Variants in MAGI1 observed in about 807,000 individuals in gnomAD.
The protein encoded by MAGI1 is membrane-associated guanylate kinase, WW and PDZ domain-containing protein 1.
Under a neutral mutation model 139.9 loss-of-function variants are expected in MAGI1, and 58 were observed. That is an observed-to-expected ratio of 0.41 (90% CI 0.34 to 0.52). The LOEUF (loss-of-function observed/expected upper bound fraction) is 0.52, where lower values mean the gene tolerates loss of function less well. Ranked by LOEUF, MAGI1 falls within the 20% of genes least tolerant of loss-of-function variation. MAGI1 has a pLI of 0.12. For synonymous variants in MAGI1, 812 were observed against 737.9 expected (o/e 1.10, Z -1.63); for missense variants, 1,874 against 1,901.6 (o/e 0.99, Z 0.27).
chr3:65,546,623 TTAAC>T (rs1357888892), intron 2 of MAGI1, among the ~76,000 whole-genome samples: 6 of 152,242 alleles, frequency 3.9e-5, no homozygotes, highest in Admixed American at 1.3e-4. Flanking sequence ...CTAGAATTGT[TTAAC>T]TAAGTTAAGA....
chr3:65,460,150 T>G (rs562851375), intron 5 of MAGI1, among the ~76,000 whole-genome samples: 2 of 152,220 alleles, frequency 1.3e-5, no homozygotes, highest in Non-Finnish European at 2.9e-5. Context: ...TCGATTCATA[T>G]GAGCATTGAT....
intron 2 of MAGI1, among the ~76,000 whole-genome samples, chr3:65,531,216 A>T (rs1157590833): frequency 1.3e-5 from 2 of 152,078 alleles, no homozygotes; most frequent in African/African-American, 4.8e-5. Context: ...CTACAGCTTT[A>T]TATCAATATA....
rs370772572 is a variant in MAGI1, at chr3:65,387,163, G to A, written c.2417-3540C>T. 10 of 1,613,796 alleles carry A rather than the reference G, an allele frequency of 6.2e-6. No individual in the cohort carries two copies. The African/African-American group carries it at 8.0e-5, about 13-fold the overall frequency. ...CTTACTCGGACATTCTCCAAAATTC[G>A]TGGAATTGATTTCTCTCTCTCTCTC... On this transcript the variant is annotated intron_variant, in intron 14 of 22. Transcript: ENST00000402939.
At chr3:65,798,465 A>T (rs531818936) in intron 1 of MAGI1, among the ~76,000 whole-genome samples, 2 of 152,164 alleles carry the variant, frequency 1.3e-5, no homozygotes, top group African/African-American at 2.4e-5. Context: ...GACACTCTGA[A>T]GTTCCAAAGG....
chr3:65,849,827 T>C (rs1400265386), intron 1 of MAGI1, among the ~76,000 whole-genome samples: 1 of 152,202 alleles, frequency 6.6e-6, no homozygotes, highest in Non-Finnish European at 1.5e-5. Flanking sequence ...CCTTCCTTTT[T>C]CCAGGTTCCA....
chr3:65,951,355 G>T (rs1287196978), intron 1 of MAGI1, among the ~76,000 whole-genome samples: 1 of 152,126 alleles, frequency 6.6e-6, no homozygotes, highest in African/African-American at 2.4e-5. Flanking sequence ...TGCTGTTAGT[G>T]GAAAACATTT....
intron 1 of MAGI1, among the ~76,000 whole-genome samples, chr3:65,626,415 T>G (rs1293466483): frequency 6.6e-6 from 1 of 152,052 alleles, no homozygotes; most frequent in Non-Finnish European, 1.5e-5. Flanking sequence ...GCCTTGACCT[T>G]TTAGGCTCAA....
At chr3:65,425,538 A>T (rs1157019964) in intron 12 of MAGI1, among the ~76,000 whole-genome samples, 1 of 152,216 alleles carries the variant, frequency 6.6e-6, no homozygotes, top group Non-Finnish European at 1.5e-5. Flanking sequence ...GATTAAAAAA[A>T]TAAGTGTCAG....
At chr3:65,530,236 T>C (rs1271750642) in intron 2 of MAGI1, among the ~76,000 whole-genome samples, 2 of 152,158 alleles carry the variant, frequency 1.3e-5, no homozygotes, top group Non-Finnish European at 2.9e-5. Context: ...ATACCTGTCA[T>C]TAATGTCATC....
chr3:65,362,664 C>A (rs1348161855), intron 21 of MAGI1, among the ~76,000 whole-genome samples: 3 of 152,082 alleles, frequency 2.0e-5, no homozygotes, highest in African/African-American at 7.2e-5. Flanking sequence ...CGATCCTCAC[C>A]CTTAATCAGT....
chr3:65,917,026 A>G (rs1340915622), intron 1 of MAGI1, among the ~76,000 whole-genome samples: 1 of 152,210 alleles, frequency 6.6e-6, no homozygotes, highest in Non-Finnish European at 1.5e-5. Context: ...TTAAATTTAT[A>G]ATGTCAAAGG....
At chr3:65,766,454 G>A (rs1352969692) in intron 1 of MAGI1, among the ~76,000 whole-genome samples, 2 of 152,096 alleles carry the variant, frequency 1.3e-5, no homozygotes, top group Admixed American at 6.5e-5. Context: ...GGATTGTACA[G>A]CTATTCTCCA....
rs1288097521 is a variant in MAGI1 at position 65,699,556 on chromosome 3, G to T, written c.314-77468C>A. Among the ~76,000 whole-genome samples the T allele has an allele frequency of 8.2e-5, 12 of 146,502 alleles. No homozygotes were observed. The East Asian group carries it at 2.5e-3, about 30-fold the overall frequency. ...GGAATACTATGCAGCCATAAAAAATGATGAGTTCATGTCCTTTGTAGGGAC... is the reference window on the plus strand; with the variant it reads ...GGAATACTATGCAGCCATAAAAAATTATGAGTTCATGTCCTTTGTAGGGAC... On this transcript the variant is annotated intron_variant, in intron 1 of 22. Coordinates refer to ENST00000402939, the MANE Select transcript of MAGI1 (RefSeq NM_001033057.2).
At position 65,639,536 on chromosome 3, in the gene MAGI1, C is replaced by T. The variant is rs527267081; in HGVS notation, c.314-17448G>A. Among the ~76,000 whole-genome samples, 11 of 152,232 alleles carry T rather than the reference C, an allele frequency of 7.2e-5. No individual in the cohort carries two copies. In the East Asian group the frequency reaches 9.7e-4, roughly 13 times the overall value. On this transcript the variant is annotated intron_variant, in intron 1 of 22. Transcript: ENST00000402939. ...ACTTGACTGGGCCACAGCATGTCCA[C>T]GTATCTGGTCAAACAGAATTCTGGG... is the stretch of plus-strand genomic sequence containing the variant.
chr3:65,828,698 G>T (rs2042360788), intron 1 of MAGI1, among the ~76,000 whole-genome samples: 1 of 152,154 alleles, frequency 6.6e-6, no homozygotes, highest in African/African-American at 2.4e-5. Context: ...CATTACAAAA[G>T]GATTTTGCAA....
At position 65,685,960 on chromosome 3, in the gene MAGI1, G is replaced by A. The variant is rs568954712; in HGVS notation, c.314-63872C>T. Among the ~76,000 whole-genome samples, 9 of 152,184 alleles carry A rather than the reference G, an allele frequency of 5.9e-5. No homozygotes were observed. In the South Asian group the frequency reaches 1.7e-3, roughly 28 times the overall value. On this transcript the variant is annotated intron_variant, in intron 1 of 22. Transcript: ENST00000402939. The stretch of plus-strand genomic sequence containing the variant: ...ACAGGCCTCCACTTAACACCCTCTC[G>A]CAGCACGGTGCAAAACAAATCTGTC...
At chr3:65,856,578 G>T (rs1192544190) in intron 1 of MAGI1, among the ~76,000 whole-genome samples, 3 of 152,148 alleles carry the variant, frequency 2.0e-5, no homozygotes, top group Admixed American at 1.3e-4. Context: ...GATGCTGCAT[G>T]ACTATAGAAA....
chr3:65,626,308 A>G (rs1319504169), intron 1 of MAGI1, among the ~76,000 whole-genome samples: 1 of 152,136 alleles, frequency 6.6e-6, no homozygotes, highest in African/African-American at 2.4e-5. Context: ...AGGGACATAT[A>G]GATTGGAAAC....
chr3:65,757,276 G>A (rs2036636425), intron 1 of MAGI1, among the ~76,000 whole-genome samples: 1 of 152,140 alleles, frequency 6.6e-6, no homozygotes, highest in African/African-American at 2.4e-5. Flanking sequence ...ATAGAAAAGA[G>A]GTTTTCTGAA....
Sources: allele counts gnomAD v4.1 joint callset (sites outside exome capture counted in the v4.1 genomes callset), GRCh38; gene constraint gnomAD v4.1.1; transcripts MANE v1.5; gene names NCBI Gene and HGNC (gene_info 2026-07-23, HGNC 2026-07-21).